The following MGA variants were observed in gnomAD, a reference collection of about 807,000 sequenced individuals.
The protein encoded by MGA is MAX gene-associated protein.
A neutral mutation model predicts 261.1 loss-of-function variants in MGA; 40 were observed. The ratio of observed to expected loss-of-function variants is 0.15; its 90% CI spans 0.12 to 0.20. The LOEUF is 0.20. Among genes scored for constraint, MGA ranks in the 10% least tolerant of loss-of-function variants. The probability of loss-of-function intolerance (pLI) is 1.00; values close to 1 mark genes in which losing one functional copy is unlikely to be tolerated. For missense variants in MGA, 3,397 were observed against 3,630.5 expected (o/e 0.94, Z 1.65); for synonymous variants, 1,302 against 1,290.6 (o/e 1.01, Z -0.19).
At chr15:41,650,003 A>G (rs1286424559) in intron 1 of MGA, among the ~76,000 whole-genome samples, 1 of 152,212 alleles carries the variant, frequency 6.6e-6, no homozygotes, top group East Asian at 1.9e-4. Flanking sequence ...TTGGTTAACC[A>G]GTAACCAAAG....
At chr15:41,699,725 C>G (rs1008697892) in intron 5 of MGA, among the ~76,000 whole-genome samples, 2 of 152,178 alleles carry the variant, frequency 1.3e-5, no homozygotes, top group African/African-American at 4.8e-5. Context: ...TGGTCTTGAT[C>G]TCCTGACCTT....
At chr15:41,747,976 A>AC (rs1289805684) in intron 15 of MGA, among the ~76,000 whole-genome samples, 2 of 152,160 alleles carry the variant, frequency 1.3e-5, no homozygotes, top group African/African-American at 4.8e-5. Flanking sequence ...TGCCTTAATG[A>AC]CTGGGCATGG....
Position 41,736,298 on chromosome 15 carries a change from A to C in MGA, c.4034A>C (p.Glu1345Ala), listed in dbSNP as rs1311793306. 6.2e-7 allele frequency: 1 copy of C among 1,614,020 alleles called. No individual in the cohort carries two copies. The highest frequency in any genetic ancestry group is 1.7e-5 in the Admixed American group (1 of 60,028). ...GAGATCATCTCAGACTGCAACTGGG[A>C]GGAAGATCGGAACAAGATTTTGAGC... Residue 1345 changes from glutamate (E) to alanine (A), a missense_variant, in exon 13 of 24, where the codon GAG becomes GCG. Physicochemically the swap from Glu to Ala is moderately radical, Grantham distance 107. Transcript: ENST00000219905.
intron 17 of MGA, 147 bp downstream of exon 17, chr15:41,750,762 CT>C: frequency 1.5e-6 from 1 of 688,596 alleles, no homozygotes; most frequent in Non-Finnish European, 2.3e-6. Flanking sequence ...CTTAGTAGTT[CT>C]TTAGGCTGTG....
chr15:41,655,581 TA>T (rs1218180158), upstream of MGA, among the ~76,000 whole-genome samples: 1 of 152,270 alleles, frequency 6.6e-6, no homozygotes, highest in Non-Finnish European at 1.5e-5. Context: ...TTATTTGTTT[TA>T]TTTTTTCCAC....
intron 1 of MGA, among the ~76,000 whole-genome samples, chr15:41,634,083 T>C (rs994572976): frequency 2.6e-5 from 4 of 152,202 alleles, no homozygotes; most frequent in African/African-American, 9.7e-5. Context: ...TTGGTTCCTA[T>C]TTTGATTTCT....
At chr15:41,639,861 G>A (rs973328898) in intron 1 of MGA, among the ~76,000 whole-genome samples, 1 of 152,096 alleles carries the variant, frequency 6.6e-6, no homozygotes, top group Non-Finnish European at 1.5e-5. Context: ...GGAGCATGTG[G>A]TTTTTATGTG....
intron 2 of MGA, among the ~76,000 whole-genome samples, chr15:41,691,236 T>C (rs1156995478): frequency 6.6e-6 from 1 of 152,192 alleles, no homozygotes; most frequent in Non-Finnish European, 1.5e-5. Context: ...TAGTTTTCCA[T>C]GTATAAGTCT....
rs891895831 is a variant in MGA at position 41,720,741 on chromosome 15, G to T, written c.3431-6439G>T. Among the ~76,000 whole-genome samples, 7 of 152,076 alleles carry T rather than the reference G, an allele frequency of 4.6e-5. No homozygotes were observed. The East Asian group carries it at 1.2e-3, about 25-fold the overall frequency. ...CCAGCTACTCTGGAGGCTGAGCCAC[G>T]AGAATCTCTTGAACCCGGGAAGCTG... On this transcript the variant is annotated intron_variant, in intron 9 of 23. Transcript: ENST00000219905.
intron 9 of MGA, among the ~76,000 whole-genome samples, chr15:41,721,618 T>G (rs2060941368): frequency 6.6e-6 from 1 of 152,174 alleles, no homozygotes; most frequent in South Asian, 2.1e-4. Context: ...AATGGCTCAT[T>G]TGTAGTTGGG....
intron 20 of MGA, among the ~76,000 whole-genome samples, 200 bp from the exon 21 acceptor site, chr15:41,761,539 T>C (rs1031678636): frequency 1.3e-5 from 2 of 152,210 alleles, no homozygotes; most frequent in Non-Finnish European, 2.9e-5. Flanking sequence ...ATGGTCACAT[T>C]CCTTAAAAGT....
intron 1 of MGA, among the ~76,000 whole-genome samples, chr15:41,632,544 C>A (rs375793221): frequency 1.3e-5 from 2 of 152,166 alleles, no homozygotes; most frequent in Admixed American, 6.5e-5. Flanking sequence ...TTTGCCTCAG[C>A]ATACCTTACC....
chr15:41,695,430 G>A (rs780694499), intron 2 of MGA, among the ~76,000 whole-genome samples: 11 of 151,928 alleles, frequency 7.2e-5, no homozygotes, highest in African/African-American at 1.2e-4. Context: ...CTTGTGATCC[G>A]CCTGCCTCAG....
At chr15:41,648,011 A>G (rs774472700) in intron 1 of MGA, among the ~76,000 whole-genome samples, 1 of 152,214 alleles carries the variant, frequency 6.6e-6, no homozygotes, top group African/African-American at 2.4e-5. Flanking sequence ...TTTGTCCAGA[A>G]TCGACACTAT....
At chr15:41,689,216 T>C (rs535678273) in intron 2 of MGA, among the ~76,000 whole-genome samples, 1 of 152,244 alleles carries the variant, frequency 6.6e-6, no homozygotes, top group African/African-American at 2.4e-5. Flanking sequence ...TGTTACTTTA[T>C]TTGCTTTAAA....
At position 41,742,903 on chromosome 15, in the gene MGA, C is replaced by T. The variant is rs2062198030; in HGVS notation, c.4943C>T (p.Ser1648Phe). 2 of 1,614,040 alleles carry T rather than the reference C, an allele frequency of 1.2e-6. No individual in the cohort carries two copies. Among genetic ancestry groups the T allele is most frequent in the Non-Finnish European group, 1.7e-6 (2 of 1,179,896 alleles). The change falls in exon 15 of 24, where the codon TCT becomes TTT. Residue 1648 changes from serine to phenylalanine, a missense_variant. Physicochemically the swap from Ser to Phe is radical, Grantham distance 155. Coordinates refer to ENST00000219905, the MANE Select transcript of MGA (RefSeq NM_001164273.2). ...GTCTCTGAAACTAATACCAGCACCT[C>T]TGTAACATCTACCCAGTCTACAGCC...
intron 2 of MGA, among the ~76,000 whole-genome samples, chr15:41,687,338 A>G (rs2059023280): frequency 6.6e-6 from 1 of 152,184 alleles, no homozygotes; most frequent in Non-Finnish European, 1.5e-5. Flanking sequence ...GTGAAAATTA[A>G]AGTTCAAATT....
intron 1 of MGA, among the ~76,000 whole-genome samples, chr15:41,662,015 G>A (rs1365031993): frequency 1.3e-5 from 2 of 152,012 alleles, no homozygotes; most frequent in Non-Finnish European, 2.9e-5. Context: ...AAAAGCGGCG[G>A]TTTGTGGGTC....
intron 2 of MGA, among the ~76,000 whole-genome samples, chr15:41,673,424 G>T (rs948666737): frequency 6.6e-6 from 1 of 151,496 alleles, no homozygotes; most frequent in Non-Finnish European, 1.5e-5. Flanking sequence ...CACCATGTTG[G>T]CCAGGCTGGT....
Sources: allele counts gnomAD v4.1 joint callset (sites outside exome capture counted in the v4.1 genomes callset), GRCh38; gene constraint gnomAD v4.1.1; transcripts MANE v1.5; gene names NCBI Gene and HGNC (gene_info 2026-07-23, HGNC 2026-07-21).